LDLRAD4: variants seen among roughly 807,000 people sequenced by gnomAD.
The protein encoded by LDLRAD4 is low-density lipoprotein receptor class A domain-containing protein 4.
Under a neutral mutation model 17.0 loss-of-function variants are expected in LDLRAD4, and 5 were observed. The observed-to-expected ratio is 0.29, with a 90% CI of 0.15 to 0.62. LDLRAD4 has a LOEUF of 0.62. Among genes scored for constraint, LDLRAD4 ranks in the 20% least tolerant of loss-of-function variants. The pLI is 0.84. For missense variants in LDLRAD4, 340 were observed against 424.7 expected (o/e 0.80, Z 1.75); for synonymous variants, 168 against 171.8 (o/e 0.98, Z 0.17).
intron 3 of LDLRAD4, among the ~76,000 whole-genome samples, chr18:13,452,086 C>T (rs368802698): frequency 6.6e-6 from 1 of 152,172 alleles, no homozygotes; most frequent in Non-Finnish European, 1.5e-5. Flanking sequence ...GTGAACGTGG[C>T]GTGTGCCCCT....
chr18:13,434,776 A>C (rs979303747), intron 2 of LDLRAD4, among the ~76,000 whole-genome samples: 3 of 152,244 alleles, frequency 2.0e-5, no homozygotes, highest in Non-Finnish European at 4.4e-5. Context: ...ATTGTATTTT[A>C]GTTTTCTTCT....
intron 1 of LDLRAD4, among the ~76,000 whole-genome samples, chr18:13,380,892 A>G (rs1484155800): frequency 6.6e-6 from 1 of 152,132 alleles, no homozygotes; most frequent in Non-Finnish European, 1.5e-5. Flanking sequence ...TGTGTTACAA[A>G]AGCTACATGT....
Position 13,593,158 on chromosome 18 carries a change from C to T in LDLRAD4, c.182-27959C>T, listed in dbSNP as rs150811223. Among the ~76,000 whole-genome samples the T allele has an allele frequency of 6.5e-3, 985 of 152,134 alleles. 10 individuals carry two copies. Among genetic ancestry groups the T allele is most frequent in the African/African-American group, 0.023 (954 of 41,482 alleles). ...TAAAACCCTGACTCTACTAAAAGTA[C>T]ATAAATTAGCCGGACATGGTGGTGT... On this transcript the variant is annotated intron_variant, in intron 3 of 5. Transcript: ENST00000359446.
At chr18:13,385,541 C>T (rs1338130842) in intron 1 of LDLRAD4, among the ~76,000 whole-genome samples, 1 of 152,174 alleles carries the variant, frequency 6.6e-6, no homozygotes, top group Non-Finnish European at 1.5e-5. Flanking sequence ...AATAAAACAA[C>T]AGCAAAAACC....
intron 3 of LDLRAD4, among the ~76,000 whole-genome samples, chr18:13,476,162 G>A (rs1168967063): frequency 2.0e-5 from 3 of 152,196 alleles, no homozygotes; most frequent in African/African-American, 7.2e-5. Flanking sequence ...CCTTATGGAA[G>A]GGGCTCTGCT....
At chr18:13,246,537 C>G (rs1282072303) in intron 1 of LDLRAD4, among the ~76,000 whole-genome samples, 1 of 152,238 alleles carries the variant, frequency 6.6e-6, no homozygotes, top group Non-Finnish European at 1.5e-5. Context: ...TGTACACACA[C>G]CGAGGTCAGT....
intron 3 of LDLRAD4, among the ~76,000 whole-genome samples, chr18:13,574,068 T>C (rs1320550311): frequency 2.0e-5 from 3 of 152,210 alleles, no homozygotes; most frequent in Admixed American, 2.0e-4. Context: ...TATGGATATA[T>C]TGACCACTGT....
At chr18:13,400,481 A>G (rs2087082688) in intron 2 of LDLRAD4, among the ~76,000 whole-genome samples, 1 of 152,144 alleles carries the variant, frequency 6.6e-6, no homozygotes, top group South Asian at 2.1e-4. Context: ...TGGGGCCCAG[A>G]CCTGCGGGCT....
At chr18:13,500,950 G>A (rs2093603932) in intron 3 of LDLRAD4, 1 of 152,152 alleles carries the variant, frequency 6.6e-6, no homozygotes, top group Non-Finnish European at 1.5e-5. Context: ...AACTAGGAAG[G>A]TCGCTTCAAG....
At chr18:13,564,798 G>C (rs2094579991) in intron 3 of LDLRAD4, among the ~76,000 whole-genome samples, 1 of 152,126 alleles carries the variant, frequency 6.6e-6, no homozygotes, top group Admixed American at 6.5e-5. Context: ...CCTGTGGCTG[G>C]TCGGGGGTCA....
At chr18:13,298,751 C>G (rs2046419041) in intron 1 of LDLRAD4, among the ~76,000 whole-genome samples, 1 of 152,234 alleles carries the variant, frequency 6.6e-6, no homozygotes, top group East Asian at 1.9e-4. Flanking sequence ...TTGATGCGGA[C>G]AGGACGTGCT....
At chr18:13,603,410 T>C (rs1177449622) in intron 3 of LDLRAD4, among the ~76,000 whole-genome samples, 7 of 152,178 alleles carry the variant, frequency 4.6e-5, no homozygotes, top group Admixed American at 4.6e-4. Context: ...TCGGCCACAT[T>C]TAGAGTTGGA....
chr18:13,576,511 C>G (rs190573139), intron 3 of LDLRAD4, among the ~76,000 whole-genome samples: 34 of 151,610 alleles, frequency 2.2e-4, no homozygotes, highest in African/African-American at 8.2e-4. Flanking sequence ...CCATGTAATT[C>G]TTGCCAGCTC....
chr18:13,491,644 A>T (rs1568245987), intron 3 of LDLRAD4: 1 of 152,254 alleles, frequency 6.6e-6, no homozygotes, highest in Non-Finnish European at 1.5e-5. Context: ...TTATAGCAAA[A>T]AAAGAAGCAT....
At chr18:13,650,191 C>T (rs1056287175) in exon 6 of LDLRAD4, 4 of 399,858 alleles carry the variant, frequency 1.0e-5, no homozygotes, top group African/African-American at 2.1e-5. Context: ...TTACCCGGCA[C>T]GCTGTGTCCT....
chr18:13,578,471 T>G (rs981931103), intron 3 of LDLRAD4, among the ~76,000 whole-genome samples: 2 of 152,174 alleles, frequency 1.3e-5, no homozygotes, highest in Non-Finnish European at 2.9e-5. Flanking sequence ...AACCACCTTC[T>G]TTGTAACTGT....
intron 3 of LDLRAD4, among the ~76,000 whole-genome samples, chr18:13,447,136 C>CT (rs532203136): frequency 6.2e-5 from 9 of 145,606 alleles, no homozygotes; most frequent in Non-Finnish European, 1.1e-4. Flanking sequence ...CCCGCCCCCC[C>CT]TTTTTTTTGA....
intron 3 of LDLRAD4, among the ~76,000 whole-genome samples, chr18:13,499,354 C>T (rs1339433163): frequency 4.9e-5 from 7 of 142,886 alleles, no homozygotes; most frequent in African/African-American, 7.9e-5. Flanking sequence ...TTGCCACACA[C>T]GTCCTGCCGT....
At chr18:13,499,136 G>T (rs1201825306) in intron 3 of LDLRAD4, among the ~76,000 whole-genome samples, 21 of 149,922 alleles carry the variant, frequency 1.4e-4, no homozygotes, top group Non-Finnish European at 3.0e-5. Flanking sequence ...GGACTCTGGA[G>T]AATCCTTCTA....
Sources: gnomAD v4.1 joint callset for allele counts (sites outside exome capture counted in the v4.1 genomes callset) on GRCh38, gnomAD v4.1.1 for gene constraint, MANE v1.5 for transcripts, NCBI Gene and HGNC (gene_info 2026-07-23, HGNC 2026-07-21) for gene names.